The following EVPLL variants were observed in gnomAD, a reference collection of about 807,000 sequenced individuals.
EVPLL encodes envoplakin like, also known as envoplakin-like protein.
EVPLL carries 39 observed loss-of-function variants against 46.2 expected under a neutral mutation model. The observed-to-expected ratio is 0.84, with a 90% CI of 0.65 to 1.10. The LOEUF is 1.10. EVPLL is among the 50% of genes least tolerant of loss of function. The pLI, the probability that EVPLL is intolerant of heterozygous loss-of-function variation, is 0.00. For missense variants in EVPLL, 385 were observed against 412.6 expected (o/e 0.93, Z 0.58); for synonymous variants, 156 against 165.8 (o/e 0.94, Z 0.46).
chr17:18,385,057 A>G (rs1472721569), intron 9 of EVPLL, among the ~76,000 whole-genome samples: 1 of 151,726 alleles, frequency 6.6e-6, no homozygotes, highest in Non-Finnish European at 1.5e-5. Flanking sequence ...AGGGGGAGAA[A>G]GGGAGAGAGG....
rs1218144079 is a variant in EVPLL at position 18,383,389 on chromosome 17, G to T, written c.780+11G>T. ...GTGGGGCCCATCCAGGTGCGCTGGG[G>T]GCAGGGCGAGAGTGAGAAGGGACGT... On this transcript the variant is annotated intron_variant, in intron 8 of 10. Transcript: ENST00000399134. 4 of 1,574,194 alleles carry T rather than the reference G, an allele frequency of 2.5e-6. No homozygotes were observed. The South Asian group carries it at 4.7e-5, about 18-fold the overall frequency.
chr17:18,382,682 C>T (rs1418196536), intron 5 of EVPLL, 44 bp downstream of exon 5: 3 of 1,552,492 alleles, frequency 1.9e-6, no homozygotes, highest in Middle Eastern at 1.7e-4. Flanking sequence ...CAGCCCCAGC[C>T]CCTGTTTTTC....
chr17:18,384,218 G>A (rs1987695862), intron 9 of EVPLL, among the ~76,000 whole-genome samples: 1 of 152,168 alleles, frequency 6.6e-6, no homozygotes, highest in African/African-American at 2.4e-5. Context: ...TGTAATTCCA[G>A]CACTTTGGGA....
chr17:18,382,627 C>T lies in EVPLL; in HGVS notation c.461C>T (p.Pro154Leu). The T allele has an allele frequency of 1.3e-6, 2 of 1,551,986 alleles. No homozygotes were observed. The highest frequency in any genetic ancestry group is 1.7e-6 in the Non-Finnish European group (2 of 1,147,116). Residue 154 changes from proline (P) to leucine (L), a missense_variant, in exon 5 of 11, where the codon CCT becomes CTT. Coordinates refer to ENST00000399134, the MANE Select transcript of EVPLL (RefSeq NM_001145127.2). ...CGACCAAGGAGAGCAGCTGCGGAGC[C>T]TGGTGGGGCCGGTGGGTGAGCCGGG... ...DQRPRRAAAE[P>L]GGAGCRHHPE...
At chr17:18,379,260 C>T (rs867039353) in intron 1 of EVPLL, among the ~76,000 whole-genome samples, 44 of 152,216 alleles carry the variant, frequency 2.9e-4, no homozygotes, top group African/African-American at 1.0e-3. Context: ...CAGCAGCCCG[C>T]CTGGGTCCAG....
intron 9 of EVPLL, among the ~76,000 whole-genome samples, chr17:18,384,862 C>T (rs1311475409): frequency 6.6e-6 from 1 of 152,152 alleles, no homozygotes; most frequent in Non-Finnish European, 1.5e-5. Context: ...TTGGGTGGTG[C>T]TCCTCCCACT....
At chr17:18,378,061 C>T (rs184230069) in intron 1 of EVPLL, 78 bp downstream of exon 1, 50 of 449,918 alleles carry the variant, frequency 1.1e-4, no homozygotes, top group East Asian at 5.6e-4. Context: ...AGCCACCTGG[C>T]GGCGGCCCAG....
chr17:18,381,911 A>G lies in EVPLL; in HGVS notation c.346+181A>G, dbSNP rs2151628179. On this transcript the variant is annotated intron_variant, in intron 4 of 10. Transcript: ENST00000399134. This position sits in a 1 kb window ranked among gnomAD's most constrained non-coding sequence, Gnocchi z 4.2. ...ACTTCCTGTAGGAGGAGGCACATGAAGAGACCTCAGAGGGGTGAGAGGGCT... is the reference window on the plus strand; with the variant it reads ...ACTTCCTGTAGGAGGAGGCACATGAGGAGACCTCAGAGGGGTGAGAGGGCT... 2.1e-6 allele frequency: 2 copies of G among 964,912 alleles called. No homozygotes were observed. The highest frequency in any genetic ancestry group is 3.1e-6 in the Non-Finnish European group (2 of 652,466). 59.8% of individuals were successfully genotyped at this position (964,912 alleles called of 1,614,324 possible).
intron 10 of EVPLL, chr17:18,388,558 G>T (rs1987851154): frequency 4.2e-6 from 1 of 237,934 alleles, no homozygotes; most frequent in Admixed American, 5.6e-5. Flanking sequence ...CCACATCACT[G>T]CCCCCTTTGA....
intron 5 of EVPLL, 85 bp downstream of exon 5, chr17:18,382,723 C>T (rs1226040514): frequency 1.9e-6 from 3 of 1,556,430 alleles, no homozygotes; most frequent in East Asian, 2.4e-5. Context: ...TCGGCTGGGC[C>T]CTGGGGATAG....
intron 9 of EVPLL, chr17:18,387,835 T>C (rs1987818462): frequency 6.6e-6 from 1 of 152,334 alleles, no homozygotes; most frequent in Admixed American, 6.6e-5. Context: ...CACGGCGAGA[T>C]CCTGTCTCTA....
intron 9 of EVPLL, among the ~76,000 whole-genome samples, chr17:18,384,131 A>G (rs1330020731): frequency 6.6e-6 from 1 of 152,042 alleles, no homozygotes; most frequent in Non-Finnish European, 1.5e-5. Context: ...GTACAGATCC[A>G]CATACAGCAC....
At position 18,381,179 on chromosome 17, in the gene EVPLL, T is replaced by C; in HGVS notation, c.63+179T>C. 4 of 1,208,284 alleles carry C rather than the reference T, an allele frequency of 3.3e-6. No homozygotes were observed. The highest frequency in any genetic ancestry group is 1.5e-5 in the African/African-American group (1 of 65,644). The allele number at this position is 1,208,284 out of a possible 1,614,324, so 74.8% of individuals were successfully genotyped here. ...GGAGAGAGGGCTCAACTTCCTTCTT[T>C]GCTGGGCTCCCCTGTGTCTTTGTCA... On this transcript the variant is annotated intron_variant, in intron 2 of 10. Transcript: ENST00000399134. This position sits in a 1 kb window ranked among gnomAD's most constrained non-coding sequence, Gnocchi z 4.2.
chr17:18,387,789 T>G (rs2151633046), intron 9 of EVPLL: 1 of 152,428 alleles, frequency 6.6e-6, no homozygotes, highest in Admixed American at 6.5e-5. Flanking sequence ...GCTGGAGGAT[T>G]GCCTGGGGGC....
chr17:18,382,162 T>G lies in EVPLL; in HGVS notation c.347-351T>G, dbSNP rs1987600312. The G allele has an allele frequency of 1.2e-5, 4 of 342,236 alleles. No homozygotes were observed. The South Asian group carries it at 1.3e-4, about 11-fold the overall frequency. 21.2% of individuals were successfully genotyped at this position (342,236 alleles called of 1,614,324 possible). ...GAGGAACAGTGGGGAAGGGCCCGGG[T>G]GCAGCAGGGCGTTCTGAGGGCCCTA... On this transcript the variant is annotated intron_variant, in intron 4 of 10. Transcript: ENST00000399134.
In EVPLL at chr17:18,381,773, T is replaced by C; in HGVS notation, c.346+43T>C. ...ACACCCCAGTGTGATCAGAGGGTGA[T>C]ACGGAACTGCATTTAACCCAGGGCC... On this transcript the variant is annotated intron_variant, in intron 4 of 10. Coordinates refer to ENST00000399134, the MANE Select transcript of EVPLL (RefSeq NM_001145127.2). This position sits in a 1 kb window ranked among gnomAD's most constrained non-coding sequence, Gnocchi z 4.2. 1 of 1,613,418 alleles carries C rather than the reference T, an allele frequency of 6.2e-7. No individual in the cohort carries two copies.
intron 4 of EVPLL, 106 bp from the exon 5 acceptor site, chr17:18,382,407 C>T (rs1475700506): frequency 2.7e-6 from 4 of 1,477,868 alleles, no homozygotes; most frequent in Non-Finnish European, 2.7e-6. Flanking sequence ...GGCTCGTCCA[C>T]GCTCTGCCCA....
rs1258950822 is a variant in EVPLL, at chr17:18,383,006, C to A, written c.512-19C>A. The stretch of plus-strand genomic sequence containing the variant: ...TTCTCTCTCCCCACCCTGCTGCTGG[C>A]GGCGGGTCCTGAGCACAGAGGGCGG... On this transcript the variant is annotated intron_variant, in intron 6 of 10. Coordinates refer to ENST00000399134, the MANE Select transcript of EVPLL (RefSeq NM_001145127.2). 1 of 1,557,254 alleles carries A rather than the reference C, an allele frequency of 6.4e-7. No homozygotes were observed. The highest frequency in any genetic ancestry group is 1.4e-5 in the African/African-American group (1 of 73,852).
Position 18,377,778 on chromosome 17 carries a change from G to C in EVPLL, c.-242G>C, listed in dbSNP as rs1987427933. The C allele has an allele frequency of 1.8e-6, 1 of 545,708 alleles. No homozygotes were observed. The highest frequency in any genetic ancestry group is 2.0e-5 in the South Asian group (1 of 49,210). 33.8% of individuals were successfully genotyped at this position (545,708 alleles called of 1,614,324 possible). A position where few individuals can be genotyped will look rare whatever the true frequency, so the allele number is the denominator to read the frequency against. ...CCCCAATGCCCAGCCGCCCCACCTT[G>C]CCAGACTTAGCTGACCAGCCAGCAA... On this transcript the variant is annotated 5_prime_UTR_variant, in exon 1 of 11. Transcript: ENST00000399134.
Sources: gnomAD v4.1 joint callset for allele counts (sites outside exome capture counted in the v4.1 genomes callset) on GRCh38, gnomAD v4.1.1 for gene constraint, Gnocchi (gnomAD v3.1) non-coding constraint, MANE v1.5 for transcripts, NCBI Gene and HGNC (gene_info 2026-07-23, HGNC 2026-07-21) for gene names.